Variants in POFUT3 observed in about 807,000 individuals in gnomAD.
The protein encoded by POFUT3 is GDP-fucose protein O-fucosyltransferase 3.
At chr8:33,431,025 C>G in the POFUT3 span, among the ~76,000 whole-genome samples, 1 of 152,122 alleles carries the variant, frequency 6.6e-6, no homozygotes, top group Non-Finnish European at 1.5e-5. Flanking sequence ...AACATGCACA[C>G]TTACCCTTGG....
At chr8:33,356,889 T>C in the POFUT3 span, among the ~76,000 whole-genome samples, 1 of 152,192 alleles carries the variant, frequency 6.6e-6, no homozygotes, top group Non-Finnish European at 1.5e-5. Context: ...TTTCTCCATA[T>C]GGCTAGCCAG....
At chr8:33,452,066 T>C in the POFUT3 span, 1 of 149,188 alleles carries the variant, frequency 6.7e-6, no homozygotes, top group African/African-American at 2.5e-5. Context: ...CGTGTGTATA[T>C]ATGCATGTAT....
chr8:33,332,260 G>C, the POFUT3 span, among the ~76,000 whole-genome samples: 2 of 151,006 alleles, frequency 1.3e-5, no homozygotes, highest in Middle Eastern at 3.2e-3. Context: ...GAGGCGGGCA[G>C]ATTATTTGAG....
chr8:33,320,213 A>G, the POFUT3 span, among the ~76,000 whole-genome samples: 4 of 152,162 alleles, frequency 2.6e-5, no homozygotes, highest in South Asian at 8.3e-4. Context: ...GAAGGGGGGC[A>G]TCTGATACAC....
the POFUT3 span, among the ~76,000 whole-genome samples, chr8:33,329,849 C>G: frequency 6.6e-6 from 1 of 152,136 alleles, no homozygotes; most frequent in Non-Finnish European, 1.5e-5. Context: ...TTCACTTAAG[C>G]AAAAGCTTAA....
chr8:33,328,001 A>G, the POFUT3 span, among the ~76,000 whole-genome samples: 130 of 152,330 alleles, frequency 8.5e-4, no homozygotes, highest in African/African-American at 2.4e-3. Context: ...TCAATAGGGC[A>G]TTCTTAACTG....
the POFUT3 span, among the ~76,000 whole-genome samples, chr8:33,412,138 G>A: frequency 6.6e-6 from 1 of 152,122 alleles, no homozygotes; most frequent in African/African-American, 2.4e-5. Flanking sequence ...ATCTTCTTTA[G>A]TCTAAAGAAC....
chr8:33,392,753 G>A, the POFUT3 span, among the ~76,000 whole-genome samples: 1 of 151,704 alleles, frequency 6.6e-6, no homozygotes, highest in African/African-American at 2.4e-5. Flanking sequence ...TGGGGCTGAG[G>A]TGGGTGGATC....
chr8:33,362,312 A>G, the POFUT3 span, among the ~76,000 whole-genome samples: 1 of 152,206 alleles, frequency 6.6e-6, no homozygotes, highest in Admixed American at 6.6e-5. Flanking sequence ...CACGGGAAAA[A>G]AAAGGCCAAA....
the POFUT3 span, among the ~76,000 whole-genome samples, chr8:33,455,457 A>G: frequency 6.6e-6 from 1 of 152,262 alleles, no homozygotes; most frequent in Non-Finnish European, 1.5e-5. Context: ...CCAGGAGTTC[A>G]AGGCTGCAGT....
the POFUT3 span, among the ~76,000 whole-genome samples, chr8:33,364,951 A>T: frequency 6.6e-6 from 1 of 152,242 alleles, no homozygotes; most frequent in Non-Finnish European, 1.5e-5. Flanking sequence ...CACATTGCCA[A>T]GACAATCTTA....
chr8:33,388,997 G>A, the POFUT3 span: 16 of 1,613,984 alleles, frequency 9.9e-6, no homozygotes, highest in East Asian at 2.0e-4. Context: ...CCACACCTTG[G>A]TGCACACCAT....
chr8:33,406,086 A>G, the POFUT3 span, among the ~76,000 whole-genome samples: 2 of 152,192 alleles, frequency 1.3e-5, no homozygotes, highest in African/African-American at 4.8e-5. Context: ...GGAGAGACAG[A>G]TAAATATGTT....
chr8:33,325,320 C>A, the POFUT3 span, among the ~76,000 whole-genome samples: 1 of 152,120 alleles, frequency 6.6e-6, no homozygotes, highest in African/African-American at 2.4e-5. Context: ...TGGCAGTCCA[C>A]CCCCAATCAG....
chr8:33,372,215 T>C, the POFUT3 span: 1 of 1,010,982 alleles, frequency 9.9e-7, no homozygotes, highest in Non-Finnish European at 1.2e-6. Flanking sequence ...CAATAAGCTG[T>C]TGAGAGTGAG....
At chr8:33,389,311 G>A in the POFUT3 span, 266 of 1,614,146 alleles carry the variant, frequency 1.6e-4, 3 homozygotes, top group South Asian at 2.6e-3. Context: ...TCTCAGTGAT[G>A]TAGTCATCAC....
the POFUT3 span, among the ~76,000 whole-genome samples, chr8:33,373,212 T>G: frequency 5.9e-5 from 9 of 152,196 alleles, no homozygotes; most frequent in African/African-American, 7.2e-5. Context: ...TGTATTTGCA[T>G]GTAAGCGTAT....
At chr8:33,465,431 G>C in the POFUT3 span, among the ~76,000 whole-genome samples, 166 of 32,172 alleles carry the variant, frequency 5.2e-3, 1 homozygote, top group Non-Finnish European at 9.5e-3. Flanking sequence ...TATATATATA[G>C]AGAGAGAGAG....
the POFUT3 span, chr8:33,389,080 C>A: frequency 1.2e-6 from 2 of 1,614,170 alleles, no homozygotes; most frequent in South Asian, 1.1e-5. Context: ...TGAGAGCTGT[C>A]AGAAGTCGCT....
Sources: gnomAD v4.1 joint callset for allele counts (sites outside exome capture counted in the v4.1 genomes callset) on GRCh38, gnomAD v4.1.1 for gene constraint, MANE v1.5 for transcripts, NCBI Gene and HGNC (gene_info 2026-07-23, HGNC 2026-07-21) for gene names.